The following ATXN2L variants were observed in gnomAD, a reference collection of about 807,000 sequenced individuals.
The protein encoded by ATXN2L is ataxin-2-like protein.
A neutral mutation model predicts 120.7 loss-of-function variants in ATXN2L; 24 were observed. The observed-to-expected ratio is 0.20, with a 90% confidence interval of 0.14 to 0.28. ATXN2L has a LOEUF of 0.28. ATXN2L is among the 10% of genes least tolerant of loss of function. The pLI, the probability that ATXN2L is intolerant of heterozygous loss-of-function variation, is 1.00. For missense variants in ATXN2L, 1,312 were observed against 1,432.3 expected (o/e 0.92, Z 1.36); for synonymous variants, 653 against 568.1 (o/e 1.15, Z -2.13).
At chr16:28,824,290 AGTGT>A (rs1232491765) in intron 1 of ATXN2L, 5 of 1,169,080 alleles carry the variant, frequency 4.3e-6, no homozygotes, top group Admixed American at 3.8e-5. Context: ...TTCCTGTGCG[AGTGT>A]GTGTGTGTTA....
rs777847808 is a variant in ATXN2L, at chr16:28,830,978, C to T, written c.1227C>T (p.Ser409=). Residue 409 remains serine (S), a synonymous_variant, in exon 10 of 22, where the codon TCC becomes TCT. Transcript: ENST00000336783. ...ACCAAACAGGCCCTTCCCGCATGTCCCCAAAGGCACAACGGCCTCTGAGAG... is the reference window on the plus strand; with the variant it reads ...ACCAAACAGGCCCTTCCCGCATGTCTCCAAAGGCACAACGGCCTCTGAGAG... ...RGINGGPSRM[S]PKAQRPLRGA... 1.3e-6 allele frequency: 2 copies of T among 1,584,616 alleles called. No homozygotes were observed. Among genetic ancestry groups the T allele is most frequent in the Non-Finnish European group, 1.7e-6 (2 of 1,173,434 alleles).
intron 18 of ATXN2L, 168 bp from the exon 19 acceptor site, chr16:28,834,890 T>C (rs1321602064): frequency 2.6e-6 from 3 of 1,159,542 alleles, no homozygotes; most frequent in Admixed American, 5.6e-5. Flanking sequence ...GACATCTGTA[T>C]CTCTGAAGTG....
chr16:28,823,786 G>C lies in ATXN2L; in HGVS notation c.299+228G>C, dbSNP rs560490907. ...CGCTCGGCTCTCGGGGCCTAGTCAGGGCTCGCAGCCCCGGCCTTCAGGGGA... is the reference window on the plus strand; with the variant it reads ...CGCTCGGCTCTCGGGGCCTAGTCAGCGCTCGCAGCCCCGGCCTTCAGGGGA... On this transcript the variant is annotated intron_variant, in intron 1 of 21. Transcript: ENST00000336783. The C allele has an allele frequency of 3.3e-3, 1,388 of 423,200 alleles. 2 individuals are homozygous for C. Among genetic ancestry groups the C allele is most frequent in the Non-Finnish European group, 4.7e-3 (1,188 of 253,768 alleles). The allele number at this position is 423,200 out of a possible 1,614,324, so 26.2% of individuals were successfully genotyped here.
In ATXN2L at chr16:28,835,384, C is replaced by T. The variant is rs774866719; in HGVS notation, c.2670C>T (p.Ala890=). ...TGSQPQSQHA[A]PSPVQHQAGQ... is the part of the protein sequence containing the mutation. ...GCCAGCCGCAGTCCCAGCATGCGGC[C>T]CCCAGTCCTGTCCAGGTGCCTGCCA... The change falls in exon 20 of 22, where the codon GCC becomes GCT. Residue 890 remains alanine, a synonymous_variant. Coordinates refer to ENST00000336783, the MANE Select transcript of ATXN2L (RefSeq NM_007245.4). 5 of 1,612,834 alleles carry T rather than the reference C, an allele frequency of 3.1e-6. No homozygotes were observed. In the African/African-American group the frequency reaches 6.7e-5, roughly 22 times the overall value.
chr16:28,834,032 A>T (rs1278259633), intron 15 of ATXN2L, 33 bp from the exon 16 acceptor site: 24 of 1,605,894 alleles, frequency 1.5e-5, no homozygotes, highest in Non-Finnish European at 1.8e-5. Flanking sequence ...AGGGGAAAAT[A>T]CAAAATAAAA....
In ATXN2L at chr16:28,836,175, T is replaced by C; in HGVS notation, c.3138T>C (p.Ile1046=). ...TTCCAGGAGGAGCCGATGACAGGAT[T>C]CGTGAGTTCTCATTAGCTGGGGGAA... ...PGFPGGADDR[I]REFSLAGGIW... The change falls in exon 22 of 22, where the codon ATT becomes ATC. Residue 1046 remains isoleucine (I), a synonymous_variant. Coordinates refer to ENST00000336783, the MANE Select transcript of ATXN2L (RefSeq NM_007245.4). 1 of 1,614,016 alleles carries C rather than the reference T, an allele frequency of 6.2e-7. No individual in the cohort carries two copies. Among genetic ancestry groups the C allele is most frequent in the East Asian group, 2.2e-5 (1 of 44,854 alleles).
At chr16:28,827,577 T>TA (rs530348221) in intron 6 of ATXN2L, among the ~76,000 whole-genome samples, 1 of 151,262 alleles carries the variant, frequency 6.6e-6, no homozygotes, top group East Asian at 2.0e-4. Context: ...CTGAGGCATT[T>TA]AAAATCTCAT....
At chr16:28,826,086 T>C in intron 4 of ATXN2L, 154 bp from the exon 5 acceptor site, 4 of 933,104 alleles carry the variant, frequency 4.3e-6, no homozygotes, top group South Asian at 1.7e-5. Flanking sequence ...GAGAAAACAA[T>C]GCACTTGGTT....
At position 28,823,909 on chromosome 16, in the gene ATXN2L, G is replaced by C. The variant is rs185409716; in HGVS notation, c.299+351G>C. The C allele has an allele frequency of 7.7e-4, 200 of 258,696 alleles. 3 individuals carry two copies. In the East Asian group the frequency reaches 0.015, roughly 19 times the overall value. 16.0% of individuals were successfully genotyped at this position (258,696 alleles called of 1,614,324 possible). On this transcript the variant is annotated intron_variant, in intron 1 of 21. Transcript: ENST00000336783. ...GTTCCATTACCACGAAGGGTCTCGCGGTCCCCGGCTTCAGCCAATGGGGAG... is the reference window on the plus strand; with the variant it reads ...GTTCCATTACCACGAAGGGTCTCGCCGTCCCCGGCTTCAGCCAATGGGGAG...
intron 5 of ATXN2L, 152 bp from the exon 6 acceptor site, chr16:28,826,710 C>A: frequency 1.1e-6 from 1 of 911,484 alleles, no homozygotes; most frequent in Non-Finnish European, 1.6e-6. Flanking sequence ...TCTTGCCTCC[C>A]CACCCCCTGG....
rs1407309303 is a variant in ATXN2L at position 28,834,380 on chromosome 16, T to C, written c.2210T>C (p.Val737Ala). ...QMYPYPVSNS[V>A]PGQQGKYRGA... The stretch of plus-strand genomic sequence containing the variant: ...TATCCATATCCTGTATCCAATTCAG[T>C]GCCTGGGCAGCAGGGCAAGTACCGG... The change falls in exon 17 of 22, where the codon GTG (valine) becomes GCG (alanine). Residue 737 changes from valine (V) to alanine (A), a missense_variant. Coordinates refer to ENST00000336783, the MANE Select transcript of ATXN2L (RefSeq NM_007245.4). 6.2e-7 allele frequency: 1 copy of C among 1,614,062 alleles called. No homozygotes were observed. The highest frequency in any genetic ancestry group is 1.1e-5 in the South Asian group (1 of 91,086).
At chr16:28,826,415 G>C (rs1177384093) in intron 5 of ATXN2L, 25 bp downstream of exon 5, 1 of 1,611,650 alleles carries the variant, frequency 6.2e-7, no homozygotes, top group Non-Finnish European at 8.5e-7. Context: ...TGTTACCTCA[G>C]ACCTGCTCTG....
intron 1 of ATXN2L, chr16:28,824,388 G>C (rs1395660462): frequency 2.4e-6 from 3 of 1,258,560 alleles, no homozygotes; most frequent in Non-Finnish European, 3.1e-6. Flanking sequence ...GTGGGTTTTA[G>C]TGCGCAGGCG....
At position 28,826,531 on chromosome 16, in the gene ATXN2L, T is replaced by C. The variant is rs1033898225; in HGVS notation, c.616+141T>C. The C allele has an allele frequency of 4.9e-5, 47 of 967,566 alleles. No homozygotes were observed. The Middle Eastern group carries it at 9.8e-4, about 20-fold the overall frequency. 59.9% of individuals were successfully genotyped at this position (967,566 alleles called of 1,614,324 possible). ...TTGTTTTGCTTTAATGCCTTTTTTTTCCTGAGCGAAGTGGGTGGATTTTTC... is the reference window on the plus strand; with the variant it reads ...TTGTTTTGCTTTAATGCCTTTTTTTCCCTGAGCGAAGTGGGTGGATTTTTC... On this transcript the variant is annotated intron_variant, in intron 5 of 21. Coordinates refer to ENST00000336783, the MANE Select transcript of ATXN2L (RefSeq NM_007245.4).
chr16:28,832,519 C>T lies in ATXN2L; in HGVS notation c.1540C>T (p.Pro514Ser). ...TDVKELSTKE[P>S]GRTLEPQELA... ...AGTAAAAGAACTCTCTACCAAGGAA[C>T]CTGGGAGAACTCTGGAGCCCCAGGA... Residue 514 changes from proline (P) to serine (S), a missense_variant, in exon 12 of 22, where the codon CCT becomes TCT. Coordinates refer to ENST00000336783, the MANE Select transcript of ATXN2L (RefSeq NM_007245.4). 1 of 1,614,142 alleles carries T rather than the reference C, an allele frequency of 6.2e-7. No homozygotes were observed. The highest frequency in any genetic ancestry group is 8.5e-7 in the Non-Finnish European group (1 of 1,180,020).
At chr16:28,825,254 T>C (rs2051424428) in intron 1 of ATXN2L, 112 bp from the exon 2 acceptor site, 3 of 1,002,542 alleles carry the variant, frequency 3.0e-6, no homozygotes, top group Non-Finnish European at 4.6e-6. Context: ...AACAATTTTG[T>C]AGTCTAAATC....
At chr16:28,832,066 C>G (rs1265843925) in intron 10 of ATXN2L, 139 bp from the exon 11 acceptor site, 2 of 864,350 alleles carry the variant, frequency 2.3e-6, no homozygotes, top group South Asian at 3.6e-5. Context: ...CTTGTGTTAC[C>G]TGCCTTGAGC....
chr16:28,826,275 A>G lies in ATXN2L; in HGVS notation c.501A>G (p.Ala167=), dbSNP rs1197111252. The G allele has an allele frequency of 1.9e-6, 3 of 1,614,126 alleles. No individual in the cohort carries two copies. The highest frequency in any genetic ancestry group is 2.5e-6 in the Non-Finnish European group (3 of 1,180,052). ...ELAVDAVHRK[A]SEPAGGPRRE... ...CCGTGGATGCTGTGCACCGGAAAGC[A>G]TCTGAGCCAGCAGGTGGCCCTCGTC... The change falls in exon 5 of 22, where the codon GCA becomes GCG. Residue 167 remains alanine, a synonymous_variant. Transcript: ENST00000336783.
At chr16:28,832,666 C>CT in intron 12 of ATXN2L, 99 bp downstream of exon 12, 1 of 1,420,688 alleles carries the variant, frequency 7.0e-7, no homozygotes, top group Admixed American at 1.8e-5. Flanking sequence ...CAAACAATGT[C>CT]TATCAGTCCT....
Sources: allele counts gnomAD v4.1 joint callset (sites outside exome capture counted in the v4.1 genomes callset), GRCh38; gene constraint gnomAD v4.1.1; transcripts MANE v1.5; gene names NCBI Gene and HGNC (gene_info 2026-07-23, HGNC 2026-07-21).